STPG2: variants seen among roughly 807,000 people sequenced by gnomAD.
STPG2 encodes sperm-tail PG-rich repeat-containing protein 2.
Under a neutral mutation model 54.2 loss-of-function variants are expected in STPG2, and 56 were observed. The observed-to-expected ratio is 1.03, with a 90% CI of 0.83 to 1.29. The LOEUF is 1.29. Among genes scored for constraint, STPG2 ranks in the 50% most tolerant of loss-of-function variants. The pLI is 0.00. For missense variants in STPG2, 596 were observed against 544.9 expected, an observed-to-expected ratio of 1.09 and a Z score of -0.93; for synonymous variants, 200 against 181.8, an observed-to-expected ratio of 1.10 and a Z score of -0.81.
At chr4:97,662,625 A>G (rs1722407800) in intron 10 of STPG2, among the ~76,000 whole-genome samples, 1 of 152,148 alleles carries the variant, frequency 6.6e-6, no homozygotes, top group Non-Finnish European at 1.5e-5. Context: ...CCCCATTAAC[A>G]GTGGATTGGA....
intron 5 of STPG2, among the ~76,000 whole-genome samples, chr4:98,065,462 A>G (rs1457455389): frequency 1.3e-5 from 2 of 152,216 alleles, no homozygotes; most frequent in African/African-American, 4.8e-5. Context: ...TTCTTCCACA[A>G]TAGCCCTGCC....
intron 1 of STPG2, among the ~76,000 whole-genome samples, 168 bp from the exon 2 acceptor site, chr4:98,134,627 C>T (rs908764702): frequency 1.3e-5 from 2 of 150,596 alleles, no homozygotes; most frequent in African/African-American, 4.9e-5. Context: ...GATATAAGAT[C>T]AGAATTTTTA....
intron 5 of STPG2, among the ~76,000 whole-genome samples, chr4:98,037,309 A>G (rs1736808213): frequency 6.6e-6 from 1 of 152,120 alleles, no homozygotes; most frequent in Admixed American, 6.6e-5. Context: ...AGATGCTTTA[A>G]TATCAAGAAA....
At position 97,823,682 on chromosome 4, in the gene STPG2, C is replaced by T. The variant is rs192234820; in HGVS notation, c.1204+17091G>A. On this transcript the variant is annotated intron_variant, in intron 9 of 10. Transcript: ENST00000295268. Reference sequence around the variant, plus strand: ...CCCCTTTCTGGTAATATCTTTCTGGCGAACCACAGAAGGGATGATACTGAA... The same window carrying T: ...CCCCTTTCTGGTAATATCTTTCTGGTGAACCACAGAAGGGATGATACTGAA... 4.4e-3 allele frequency among the ~76,000 whole-genome samples: 671 copies of T among 152,148 alleles called. 3 individuals carry two copies. Among genetic ancestry groups the T allele is most frequent in the South Asian group, 0.024 (115 of 4,810 alleles).
At chr4:97,755,962 A>T (rs1420369782) in intron 9 of STPG2, among the ~76,000 whole-genome samples, 1 of 152,216 alleles carries the variant, frequency 6.6e-6, no homozygotes, top group African/African-American at 2.4e-5. Context: ...AGCTGGCACC[A>T]TGACATAGAT....
intron 10 of STPG2, among the ~76,000 whole-genome samples, chr4:97,639,505 A>T (rs1218844324): frequency 2.0e-5 from 3 of 152,050 alleles, no homozygotes; most frequent in Admixed American, 6.6e-5. Flanking sequence ...TTAAAAAAAT[A>T]AATTAAAAAA....
intron 4 of STPG2, among the ~76,000 whole-genome samples, chr4:97,499,289 C>T (rs1340016297): frequency 6.6e-6 from 1 of 151,950 alleles, no homozygotes; most frequent in Non-Finnish European, 1.5e-5. Context: ...GCCCACATCT[C>T]ATAGCATGAA....
intron 5 of STPG2, chr4:98,025,881 C>A (rs989375675): frequency 1.3e-6 from 2 of 1,596,588 alleles, no homozygotes; most frequent in African/African-American, 2.7e-5. Flanking sequence ...CTGAAGGGAG[C>A]TGTGGATGGA....
intron 4 of STPG2, among the ~76,000 whole-genome samples, chr4:97,493,871 C>T (rs1341519272): frequency 6.6e-6 from 1 of 151,480 alleles, no homozygotes; most frequent in African/African-American, 2.4e-5. Flanking sequence ...GGACTCTTTG[C>T]AAAGATGGAA....
chr4:97,525,135 T>C (rs1434080565), intron 4 of STPG2, among the ~76,000 whole-genome samples: 1 of 151,980 alleles, frequency 6.6e-6, no homozygotes, highest in Non-Finnish European at 1.5e-5. Context: ...TTTGCTCTAA[T>C]TGTATTGTGA....
At chr4:97,452,519 C>T (rs1729403733) in intron 4 of STPG2, among the ~76,000 whole-genome samples, 2 of 152,260 alleles carry the variant, frequency 1.3e-5, no homozygotes, top group Non-Finnish European at 2.9e-5. Flanking sequence ...CATGTACTTC[C>T]TCCCCTCTGA....
chr4:97,781,972 T>C (rs1386528951), intron 9 of STPG2, among the ~76,000 whole-genome samples: 1 of 152,164 alleles, frequency 6.6e-6, no homozygotes, highest in South Asian at 2.1e-4. Context: ...CCACAGCCAA[T>C]ATCATACTGA....
chr4:97,685,983 AAT>A (rs902204044), intron 10 of STPG2, among the ~76,000 whole-genome samples: 3 of 152,204 alleles, frequency 2.0e-5, no homozygotes, highest in Admixed American at 2.0e-4. Flanking sequence ...CAAAATTCAT[AAT>A]GTCATATGAT....
At chr4:98,005,366 G>A (rs967729475) in intron 5 of STPG2, among the ~76,000 whole-genome samples, 1 of 152,138 alleles carries the variant, frequency 6.6e-6, no homozygotes, top group Non-Finnish European at 1.5e-5. Flanking sequence ...TTGACACTTA[G>A]TATTAATCAT....
At chr4:97,935,462 T>G (rs2149222935) in intron 8 of STPG2, among the ~76,000 whole-genome samples, 1 of 152,226 alleles carries the variant, frequency 6.6e-6, no homozygotes, top group South Asian at 2.1e-4. Context: ...AGTTGCTTTA[T>G]TTGTAATGTT....
intron 4 of STPG2, among the ~76,000 whole-genome samples, chr4:97,540,599 GAGGGAATCCTC>G (rs1405045934): frequency 6.6e-6 from 1 of 152,136 alleles, no homozygotes; most frequent in African/African-American, 2.4e-5. Flanking sequence ...AATAGAAAAA[GAGGGAATCCTC>G]CCTCTTTTAT....
intron 4 of STPG2, among the ~76,000 whole-genome samples, chr4:97,471,427 TA>T (rs961900452): frequency 1.5e-4 from 23 of 152,340 alleles, no homozygotes; most frequent in African/African-American, 5.3e-4. Context: ...ATATTCATAT[TA>T]TTAGAATAAT....
intron 9 of STPG2, among the ~76,000 whole-genome samples, chr4:97,735,263 A>G (rs149043511): frequency 1.3e-5 from 2 of 151,574 alleles, no homozygotes; most frequent in East Asian, 1.9e-4. Flanking sequence ...GTGTGTATCT[A>G]TATATATATA....
chr4:97,471,544 G>T (rs1729928610), intron 4 of STPG2, among the ~76,000 whole-genome samples: 1 of 152,094 alleles, frequency 6.6e-6, no homozygotes, highest in Non-Finnish European at 1.5e-5. Context: ...GCAAAATACT[G>T]AAATACTTCT....
Sources: allele counts gnomAD v4.1 joint callset (sites outside exome capture counted in the v4.1 genomes callset), GRCh38; gene constraint gnomAD v4.1.1; transcripts MANE v1.5; gene names NCBI Gene and HGNC (gene_info 2026-07-23, HGNC 2026-07-21).